Variants in ROBO1 observed in about 807,000 individuals in gnomAD.
ROBO1 encodes roundabout homolog 1.
ROBO1 carries 149 observed loss-of-function variants against 195.9 expected under a neutral mutation model. The observed-to-expected ratio is 0.76, with a 90% confidence interval of 0.67 to 0.87. The LOEUF (loss-of-function observed/expected upper bound fraction) is 0.87. ROBO1 is among the 40% of genes least tolerant of loss of function. The pLI, the probability that ROBO1 is intolerant of heterozygous loss-of-function variation, is 0.00. For missense variants in ROBO1, 1,933 were observed against 2,068.3 expected, an observed-to-expected ratio of 0.93 and a Z score of 1.27; for synonymous variants, 816 against 733.2, an observed-to-expected ratio of 1.11 and a Z score of -1.82.
At chr3:79,220,990 A>G (rs2082127882) in intron 2 of ROBO1, among the ~76,000 whole-genome samples, 1 of 151,916 alleles carries the variant, frequency 6.6e-6, no homozygotes, top group Non-Finnish European at 1.5e-5. Context: ...CCCTGTAGTG[A>G]CAACCAAATA....
chr3:79,152,335 G>A (rs891281155), intron 2 of ROBO1, among the ~76,000 whole-genome samples: 3 of 151,766 alleles, frequency 2.0e-5, no homozygotes, highest in African/African-American at 7.3e-5. Flanking sequence ...TCAGGAAATT[G>A]AGTGAATGAG....
At chr3:79,745,985 C>T (rs917530713) in intron 1 of ROBO1, among the ~76,000 whole-genome samples, 4 of 152,010 alleles carry the variant, frequency 2.6e-5, no homozygotes, top group African/African-American at 4.8e-5. Context: ...GTTAACTTAA[C>T]AGATACACTG....
At chr3:78,623,079 A>G (rs978234823) in intron 26 of ROBO1, among the ~76,000 whole-genome samples, 1 of 152,222 alleles carries the variant, frequency 6.6e-6, no homozygotes, top group African/African-American at 2.4e-5. Context: ...AGACAGCAAT[A>G]GAAACAGGAA....
At chr3:79,357,758 T>C (rs909340388) in intron 2 of ROBO1, among the ~76,000 whole-genome samples, 1 of 152,100 alleles carries the variant, frequency 6.6e-6, no homozygotes. Flanking sequence ...TTTATGTGAG[T>C]CTCATTTAAG....
chr3:79,031,682 A>G (rs897900311), intron 3 of ROBO1, among the ~76,000 whole-genome samples: 6 of 152,278 alleles, frequency 3.9e-5, no homozygotes, highest in African/African-American at 1.4e-4. Context: ...AATACACATA[A>G]AGCGCTTGTA....
intron 3 of ROBO1, among the ~76,000 whole-genome samples, chr3:78,994,006 TA>T (rs2077299788): frequency 6.6e-6 from 1 of 151,788 alleles, no homozygotes; most frequent in Non-Finnish European, 1.5e-5. Flanking sequence ...AAAAAATGAC[TA>T]GGATGTTATA....
chr3:78,688,633 A>G lies in ROBO1; in HGVS notation c.1170+15T>C. The G allele has an allele frequency of 1.3e-6, 2 of 1,553,544 alleles. No individual in the cohort carries two copies. Among genetic ancestry groups the G allele is most frequent in the Non-Finnish European group, 1.7e-6 (2 of 1,155,578 alleles). ...TTTGCTGATTTAAAAAAAAAAAGTTAGAAAAAGGTGGTACCTGACTCCCTT... is the reference window on the plus strand; with the variant it reads ...TTTGCTGATTTAAAAAAAAAAAGTTGGAAAAAGGTGGTACCTGACTCCCTT... On this transcript the variant is annotated intron_variant, in intron 9 of 30. Transcript: ENST00000464233.
At chr3:79,540,978 C>G (rs763166429) in intron 2 of ROBO1, among the ~76,000 whole-genome samples, 1 of 151,920 alleles carries the variant, frequency 6.6e-6, no homozygotes, top group Non-Finnish European at 1.5e-5. Context: ...TTTTTTTAGA[C>G]TTAATAGATG....
intron 3 of ROBO1, among the ~76,000 whole-genome samples, chr3:79,029,536 C>T (rs1417905722): frequency 6.6e-6 from 1 of 152,068 alleles, no homozygotes; most frequent in African/African-American, 2.4e-5. Flanking sequence ...TCTTGCTCCC[C>T]TTAATATTTT....
At chr3:79,237,656 A>G (rs1419875161) in intron 2 of ROBO1, among the ~76,000 whole-genome samples, 2 of 152,174 alleles carry the variant, frequency 1.3e-5, no homozygotes, top group Admixed American at 1.3e-4. Context: ...TCCGGCGGTC[A>G]CTCTATCCGA....
intron 1 of ROBO1, among the ~76,000 whole-genome samples, chr3:79,658,218 A>T (rs545664871): frequency 6.6e-6 from 1 of 152,118 alleles, no homozygotes; most frequent in Admixed American, 6.6e-5. Context: ...GACTTGATGG[A>T]GTGCCCACCC....
chr3:79,176,371 A>AT (rs1202575977), intron 2 of ROBO1, among the ~76,000 whole-genome samples: 1 of 152,186 alleles, frequency 6.6e-6, no homozygotes, highest in African/African-American at 2.4e-5. Context: ...AGTGTATCAT[A>AT]TTTTGTCATC....
intron 4 of ROBO1, among the ~76,000 whole-genome samples, chr3:78,929,780 C>G (rs2039411304): frequency 1.3e-5 from 2 of 152,034 alleles, no homozygotes; most frequent in African/African-American, 4.8e-5. Flanking sequence ...GCTGGGATTA[C>G]AGGTATGAGC....
intron 3 of ROBO1, among the ~76,000 whole-genome samples, chr3:79,004,909 G>T (rs1286900850): frequency 6.6e-6 from 1 of 152,138 alleles, no homozygotes; most frequent in African/African-American, 2.4e-5. Flanking sequence ...ATAAGGAGAA[G>T]AAATAGAGTT....
chr3:79,172,123 G>A (rs2081179070), intron 2 of ROBO1, among the ~76,000 whole-genome samples: 1 of 152,004 alleles, frequency 6.6e-6, no homozygotes, highest in African/African-American at 2.4e-5. Context: ...ATTTCTATAG[G>A]TACCTCAATT....
intron 1 of ROBO1, among the ~76,000 whole-genome samples, chr3:79,740,504 G>T (rs963857668): frequency 2.0e-5 from 3 of 151,976 alleles, no homozygotes; most frequent in Non-Finnish European, 4.4e-5. Flanking sequence ...CATGGCTGGG[G>T]AGGCCTCAGG....
chr3:79,589,891 A>G lies in ROBO1; in HGVS notation c.21T>C (p.Pro7=). Residue 7 remains proline (P), a synonymous_variant, in exon 2 of 31, where the codon CCT becomes CCC. Transcript: ENST00000464233. ...TGAGGAGTGATATCATGACCAAAAA[A>G]GGAACATGTTTCCATTTCATCTTTG... MKWKHV[P]FLVMISLLSL... is the part of the protein sequence containing the mutation. 1 of 1,610,828 alleles carries G rather than the reference A, an allele frequency of 6.2e-7. No homozygotes were observed. Among genetic ancestry groups the G allele is most frequent in the African/African-American group, 1.3e-5 (1 of 74,840 alleles).
intron 3 of ROBO1, among the ~76,000 whole-genome samples, chr3:78,973,988 G>A (rs1250778046): frequency 6.6e-6 from 1 of 152,004 alleles, no homozygotes; most frequent in African/African-American, 2.4e-5. Flanking sequence ...ATAAGACTGA[G>A]TAGATGAGCT....
chr3:79,620,408 A>G (rs1409118044), intron 1 of ROBO1, among the ~76,000 whole-genome samples: 1 of 152,068 alleles, frequency 6.6e-6, no homozygotes, highest in African/African-American at 2.4e-5. Context: ...CCCACTCCAC[A>G]TTACCTTCTT....
Sources: gnomAD v4.1 joint callset for allele counts (sites outside exome capture counted in the v4.1 genomes callset) on GRCh38, gnomAD v4.1.1 for gene constraint, MANE v1.5 for transcripts, NCBI Gene and HGNC (gene_info 2026-07-23, HGNC 2026-07-21) for gene names.